ZFPM1: variants seen among roughly 807,000 people sequenced by gnomAD.
ZFPM1 encodes the protein zinc finger protein ZFPM1.
A neutral mutation model predicts 46.3 loss-of-function variants in ZFPM1; 28 were observed. That is an observed-to-expected ratio of 0.60 (90% CI 0.45 to 0.83). The LOEUF (loss-of-function observed/expected upper bound fraction) is 0.83, where lower values mean the gene tolerates loss of function less well. ZFPM1 is among the 40% of genes least tolerant of loss of function. ZFPM1 has a pLI of 0.00. For missense variants in ZFPM1, 1,878 were observed against 1,432.4 expected, an observed-to-expected ratio of 1.31 and a Z score of -5.02; for synonymous variants, 957 against 675.9, an observed-to-expected ratio of 1.42 and a Z score of -6.45.
chr16:88,504,486 G>C (rs1026858396), intron 3 of ZFPM1, among the ~76,000 whole-genome samples: 7 of 152,102 alleles, frequency 4.6e-5, no homozygotes, highest in African/African-American at 1.7e-4. Context: ...AGCCCAGAGA[G>C]GCCGCCAATC....
intron 1 of ZFPM1, among the ~76,000 whole-genome samples, chr16:88,483,358 C>T (rs969964871): frequency 1.1e-4 from 16 of 152,084 alleles, no homozygotes; most frequent in African/African-American, 3.9e-4. Flanking sequence ...GAGGTCAGCA[C>T]GGCCAGGACC....
intron 1 of ZFPM1, among the ~76,000 whole-genome samples, chr16:88,479,606 A>C (rs931321654): frequency 1.3e-5 from 2 of 151,828 alleles, no homozygotes; most frequent in Non-Finnish European, 2.9e-5. Context: ...GAAAGTCTGA[A>C]TCTGTTGCTA....
intron 1 of ZFPM1, among the ~76,000 whole-genome samples, chr16:88,455,203 G>C (rs908661395): frequency 2.7e-4 from 40 of 150,754 alleles, no homozygotes; most frequent in Admixed American, 9.2e-4. Context: ...AATGCAGATA[G>C]CTCGGACAGG....
chr16:88,526,005 C>T (rs1912285838), intron 4 of ZFPM1, among the ~76,000 whole-genome samples: 1 of 152,250 alleles, frequency 6.6e-6, no homozygotes, highest in Non-Finnish European at 1.5e-5. Context: ...TCAGTTTCCT[C>T]ACCCATGAGA....
rs945458572 is a variant in ZFPM1, at chr16:88,536,262, C to G, written c.*1283C>G. 6.6e-6 allele frequency: 1 copy of G among 152,234 alleles called. No individual in the cohort carries two copies. Among genetic ancestry groups the G allele is most frequent in the Non-Finnish European group, 1.5e-5 (1 of 68,054 alleles). 9.4% of individuals were successfully genotyped at this position (152,234 alleles called of 1,614,324 possible). A position where few individuals can be genotyped will look rare whatever the true frequency, so the allele number is the denominator to read the frequency against. ...TCATAAGTCACTGCAGCCTCAAACT[C>G]CTGAGCTGAAACCATCTTCCTGCCT... On this transcript the variant is annotated 3_prime_UTR_variant, in exon 10 of 10. Coordinates refer to ENST00000319555, the MANE Select transcript of ZFPM1 (RefSeq NM_153813.3).
rs1301380900 is a variant in ZFPM1, at chr16:88,514,533, C to G, written c.402+13C>G. On this transcript the variant is annotated intron_variant, in intron 4 of 9. Transcript: ENST00000319555. The stretch of plus-strand genomic sequence containing the variant: ...GCAGGCGGAGCCGGTAAGAAGCCCC[C>G]ATCCCCGCCCCTGCCCGCCCACCCC... 6.4e-7 allele frequency: 1 copy of G among 1,550,438 alleles called. No individual in the cohort carries two copies. The highest frequency in any genetic ancestry group is 1.4e-5 in the African/African-American group (1 of 73,270).
chr16:88,526,091 G>A (rs1051763454), intron 4 of ZFPM1, among the ~76,000 whole-genome samples: 3 of 152,192 alleles, frequency 2.0e-5, no homozygotes, highest in Non-Finnish European at 4.4e-5. Context: ...ACACAGTGCT[G>A]GTGTCTCAGG....
intron 3 of ZFPM1, among the ~76,000 whole-genome samples, chr16:88,494,487 G>C (rs761544929): frequency 1.6e-4 from 25 of 152,192 alleles, no homozygotes; most frequent in Non-Finnish European, 2.8e-4. Context: ...CCGTCACAGG[G>C]ACCAATCACA....
At chr16:88,486,112 T>A (rs1909209822) in intron 2 of ZFPM1, 69 bp downstream of exon 2, 2 of 1,465,132 alleles carry the variant, frequency 1.4e-6, no homozygotes, top group South Asian at 2.4e-5. Context: ...TACCATGCCC[T>A]CAGAGCTCAG....
intron 1 of ZFPM1, among the ~76,000 whole-genome samples, chr16:88,468,097 GACGCACCTGCGAGCCCACCGCCCCTC>G (rs1355793865): frequency 3.6e-4 from 39 of 109,294 alleles, no homozygotes; most frequent in African/African-American, 1.3e-3. Context: ...ACCGGCCGCT[GACGCACCTGCGAGCCCACCGCCCCTC>G]ACGCACCCGC....
chr16:88,461,458 G>A (rs528473172), intron 1 of ZFPM1, among the ~76,000 whole-genome samples: 12 of 152,190 alleles, frequency 7.9e-5, no homozygotes, highest in African/African-American at 1.7e-4. Context: ...GCAACCTCAC[G>A]TCCTGGCCTG....
rs2142345238 is a variant in ZFPM1, at chr16:88,463,599, G to A, written c.40+9921G>A. Among the ~76,000 whole-genome samples the A allele has an allele frequency of 1.3e-5, 2 of 152,404 alleles. 1 individual carries two copies. The highest frequency in any genetic ancestry group is 3.9e-4 in the East Asian group (2 of 5,190). ...TGAAGGAGGCCCAGTGTGCAGATGG[G>A]GAAACTGACGCTTAGAGAGTTTCAA... is the stretch of plus-strand genomic sequence containing the variant. On this transcript the variant is annotated intron_variant, in intron 1 of 9. Transcript: ENST00000319555.
intron 3 of ZFPM1, among the ~76,000 whole-genome samples, chr16:88,511,936 GC>G (rs1910988251): frequency 6.6e-6 from 1 of 152,144 alleles, no homozygotes. Context: ...CTGGTCCCCA[GC>G]CCCACACCCC....
intron 3 of ZFPM1, among the ~76,000 whole-genome samples, chr16:88,503,280 CT>C: frequency 7.0e-6 from 1 of 143,692 alleles, no homozygotes; most frequent in South Asian, 2.3e-4. Flanking sequence ...CCCACGGTTC[CT>C]GAGTGGAGGG....
Position 88,526,881 on chromosome 16 carries a change from C to A in ZFPM1, c.470C>A (p.Thr157Asn), listed in dbSNP as rs1400503807. 6.3e-7 allele frequency: 1 copy of A among 1,581,224 alleles called. No individual in the cohort carries two copies. The highest frequency in any genetic ancestry group is 8.6e-7 in the Non-Finnish European group (1 of 1,163,808). Residue 157 changes from threonine to asparagine, a missense_variant, in exon 5 of 10, where the codon ACT (threonine) becomes AAT (asparagine). Thr to Asn is a moderately conservative substitution (Grantham distance 65). Coordinates refer to ENST00000319555, the MANE Select transcript of ZFPM1 (RefSeq NM_153813.3). ...CWLRTLPQAL[T>N]EAEANTEIHR... ...CTGAGGACGCTGCCCCAGGCCCTGA[C>A]TGAGGCCGAGGCCAACACAGAGATC...
intron 4 of ZFPM1, among the ~76,000 whole-genome samples, chr16:88,522,364 G>GCAGCCT (rs781151842): frequency 2.7e-4 from 41 of 152,294 alleles, no homozygotes; most frequent in Admixed American, 7.2e-4. Flanking sequence ...TGGGGCCTCA[G>GCAGCCT]CAGCCTCAGC....
chr16:88,483,557 G>A (rs951823109), intron 1 of ZFPM1, among the ~76,000 whole-genome samples: 5 of 151,972 alleles, frequency 3.3e-5, no homozygotes, highest in Admixed American at 1.3e-4. Flanking sequence ...TCCCATCCCC[G>A]TGTTTTTCTG....
At chr16:88,499,271 C>T (rs1445575022) in intron 3 of ZFPM1, among the ~76,000 whole-genome samples, 1 of 152,356 alleles carries the variant, frequency 6.6e-6, no homozygotes, top group East Asian at 1.9e-4. Context: ...CAGGCAGAGC[C>T]GGCACTCACT....
chr16:88,506,508 G>C (rs1299554421), intron 3 of ZFPM1, among the ~76,000 whole-genome samples: 2 of 151,774 alleles, frequency 1.3e-5, no homozygotes, highest in African/African-American at 4.8e-5. Flanking sequence ...ATGGGGGCGG[G>C]CGGGCAGGGC....
Sources: gnomAD v4.1 joint callset for allele counts (sites outside exome capture counted in the v4.1 genomes callset) on GRCh38, gnomAD v4.1.1 for gene constraint, MANE v1.5 for transcripts, NCBI Gene and HGNC (gene_info 2026-07-23, HGNC 2026-07-21) for gene names.